Variants in ABR observed in about 807,000 individuals in gnomAD.
ABR encodes the protein active breakpoint cluster region-related protein.
ABR carries 35 observed loss-of-function variants against 107.2 expected under a neutral mutation model. That is an observed-to-expected ratio of 0.33 (90% confidence interval 0.25 to 0.43). ABR has a LOEUF of 0.43. Among genes scored for constraint, ABR ranks in the 20% least tolerant of loss-of-function variants. The pLI, the probability that ABR is intolerant of heterozygous loss-of-function variation, is 1.00. For synonymous variants in ABR, 498 were observed against 462.0 expected, an observed-to-expected ratio of 1.08 and a Z score of -1.00; for missense variants, 815 against 1,115.2, an observed-to-expected ratio of 0.73 and a Z score of 3.83.
intron 16 of ABR, among the ~76,000 whole-genome samples, chr17:1,015,725 T>C (rs1280651133): frequency 1.3e-5 from 2 of 152,196 alleles, no homozygotes; most frequent in Non-Finnish European, 2.9e-5. Context: ...CCCAAAGTGC[T>C]GGGATTACAG....
intron 2 of ABR, chr17:1,109,249 C>A: frequency 1.3e-6 from 1 of 796,250 alleles, no homozygotes; most frequent in Non-Finnish European, 1.7e-6. Flanking sequence ...GCCGCCGCCG[C>A]CGCCTCGCGC....
At chr17:1,034,141 T>TGG (rs2073004563) in intron 16 of ABR, among the ~76,000 whole-genome samples, 1 of 151,750 alleles carries the variant, frequency 6.6e-6, no homozygotes, top group Non-Finnish European at 1.5e-5. Context: ...CGGCTAATTT[T>TGG]TGTATTTTTC....
chr17:1,207,187 G>C (rs1266585745), intron 1 of ABR, among the ~76,000 whole-genome samples: 1 of 152,040 alleles, frequency 6.6e-6, no homozygotes, highest in Non-Finnish European at 1.5e-5. Flanking sequence ...AGGAGTTCAA[G>C]GGTGCCAGTG....
At chr17:1,136,995 C>G (rs972802738) in intron 1 of ABR, among the ~76,000 whole-genome samples, 2 of 87,868 alleles carry the variant, frequency 2.3e-5, no homozygotes, top group Admixed American at 3.2e-4. Context: ...CCTCACTACA[C>G]TAAATCATTT....
rs1038204812 is a variant in ABR, at chr17:1,078,394, G to A, written c.700+936C>T. ...CTCTGGCTCGCGCTGGCACCCTCTC[G>A]GCTGGCAACGCCGCCGTCCGGACCA... On this transcript the variant is annotated intron_variant, in intron 6 of 22. Transcript: ENST00000302538. The surrounding 1 kb of genome is among the most constrained non-coding windows in gnomAD (Gnocchi z 7.5). Among the ~76,000 whole-genome samples the A allele has an allele frequency of 6.6e-6, 1 of 152,082 alleles. No individual in the cohort carries two copies. Among genetic ancestry groups the A allele is most frequent in the African/African-American group, 2.4e-5 (1 of 41,404 alleles).
Position 1,081,077 on chromosome 17 carries a change from A to T in ABR, c.640-1687T>A, listed in dbSNP as rs3786068. On this transcript the variant is annotated intron_variant, in intron 5 of 22. Transcript: ENST00000302538. ...TTCTGCCTAGGCACAGAGAACAGGC[A>T]ATCAGCCCAGGCCAAGAGAAGACCC... 3.5e-4 allele frequency among the ~76,000 whole-genome samples: 54 copies of T among 152,234 alleles called. No homozygotes were observed. The East Asian group carries it at 6.6e-3, about 19-fold the overall frequency.
chr17:1,164,563 C>T (rs2041429807), intron 1 of ABR, among the ~76,000 whole-genome samples: 1 of 152,192 alleles, frequency 6.6e-6, no homozygotes, highest in Non-Finnish European at 1.5e-5. Flanking sequence ...AACAGACAAG[C>T]TTTCGGTCTA....
At chr17:1,183,444 C>T (rs11658851), upstream of ABR, among the ~76,000 whole-genome samples, 15,176 of 152,074 alleles carry the variant, frequency 0.1, 947 homozygotes, top group African/African-American at 0.17. Flanking sequence ...GGGTTAATGA[C>T]GAGGGGCTGA....
At chr17:1,156,997 C>T (rs915007897) in intron 1 of ABR, among the ~76,000 whole-genome samples, 1 of 152,208 alleles carries the variant, frequency 6.6e-6, no homozygotes, top group Non-Finnish European at 1.5e-5. Flanking sequence ...CTCTGACGCA[C>T]AGGCAGGCTC....
At chr17:1,198,301 C>T (rs1249386260) in intron 1 of ABR, among the ~76,000 whole-genome samples, 2 of 151,566 alleles carry the variant, frequency 1.3e-5, no homozygotes, top group African/African-American at 2.4e-5. Context: ...ACACGTGGCA[C>T]GTTGCCCAAG....
At chr17:1,041,289 C>CA (rs1210080301) in intron 16 of ABR, among the ~76,000 whole-genome samples, 5 of 152,180 alleles carry the variant, frequency 3.3e-5, no homozygotes, top group African/African-American at 1.2e-4. Context: ...CAGGGCCTGC[C>CA]ATTCAGAGGA....
chr17:1,057,544 A>AT (rs1354944782), intron 12 of ABR, among the ~76,000 whole-genome samples: 4 of 151,508 alleles, frequency 2.6e-5, no homozygotes, highest in African/African-American at 9.7e-5. Context: ...CACCTGGCTA[A>AT]TTTTTGTGTT....
At chr17:1,180,032 T>G (rs2042074612), upstream of ABR, among the ~76,000 whole-genome samples, 7 of 38,284 alleles carry the variant, frequency 1.8e-4, no homozygotes, top group South Asian at 7.8e-4. Context: ...GGGCGGGGCT[T>G]TGGTGCGGGG....
rs1362641385 is a variant in ABR, at chr17:1,179,494, A to G, written c.61+173T>C. Among the ~76,000 whole-genome samples, 1 of 115,784 alleles carries G rather than the reference A, an allele frequency of 8.6e-6. No homozygotes were observed. Among genetic ancestry groups the G allele is most frequent in the Non-Finnish European group, 1.8e-5 (1 of 54,210 alleles). The allele number at this position is 115,784 out of a possible 152,430, so 76.0% of individuals were successfully genotyped here. A position where few individuals can be genotyped will look rare whatever the true frequency, so the allele number is the denominator to read the frequency against. On this transcript the variant is annotated intron_variant, in intron 1 of 22. Coordinates refer to ENST00000302538, the MANE Select transcript of ABR (RefSeq NM_021962.5). The surrounding 1 kb of genome is among the most constrained non-coding windows in gnomAD (Gnocchi z 4.9). Reference sequence around the variant, plus strand: ...GGTCCCGACCCCGATCCCGATTCCCAACCCGACCCCGATCCGGACCCCGAT... The same window carrying G: ...GGTCCCGACCCCGATCCCGATTCCCGACCCGACCCCGATCCGGACCCCGAT...
chr17:1,127,995 C>T (rs2039670859), intron 1 of ABR, among the ~76,000 whole-genome samples: 1 of 152,226 alleles, frequency 6.6e-6, no homozygotes, highest in Admixed American at 6.5e-5. Context: ...CTCCCTTTCC[C>T]TCTGAATCTC....
rs578123334 is a variant in ABR, at chr17:1,201,396, G to A, written c.838+27397C>T. 1.8e-3 allele frequency among the ~76,000 whole-genome samples: 276 copies of A among 152,142 alleles called. 1 individual carries two copies. The highest frequency in any genetic ancestry group is 5.0e-3 in the South Asian group (24 of 4,800). On this transcript the variant is annotated intron_variant, in intron 1 of 22. Transcript: ENST00000574139. ...CGAGATCGTGAAAAGAAGACACCCC[G>A]CACAGCGCCTGTTCCCTCGTTAGCA... is the stretch of plus-strand genomic sequence containing the variant.
intron 2 of ABR, among the ~76,000 whole-genome samples, chr17:1,103,917 A>AGAGCCAT: frequency 6.6e-6 from 1 of 152,304 alleles, no homozygotes; most frequent in Non-Finnish European, 1.5e-5. Context: ...TTCCCAGTTT[A>AGAGCCAT]GAGCCATGAG....
intron 16 of ABR, chr17:1,031,534 G>A: frequency 1.4e-5 from 2 of 147,454 alleles, no homozygotes; most frequent in Non-Finnish European, 2.6e-5. Flanking sequence ...AGCCCCCGCA[G>A]CCCCCCGAGC....
chr17:1,050,069 A>G lies in ABR; in HGVS notation c.1772T>C (p.Met591Thr), dbSNP rs1376620495. 1 of 1,614,090 alleles carries G rather than the reference A, an allele frequency of 6.2e-7. No homozygotes were observed. Among genetic ancestry groups the G allele is most frequent in the Admixed American group, 1.7e-5 (1 of 60,020 alleles). Residue 591 changes from methionine to threonine, a missense_variant, in exon 16 of 23, where the codon ATG (methionine) becomes ACG (threonine). Met to Thr is a moderately conservative substitution (Grantham distance 81, BLOSUM62 -1). Coordinates refer to ENST00000302538, the MANE Select transcript of ABR (RefSeq NM_021962.5). The surrounding 1 kb of genome is among the most constrained non-coding windows in gnomAD (Gnocchi z 4.6). ...KDNNEIVDKIMGKGQIQLDPQ... is the reference protein window; with the variant it reads ...KDNNEIVDKITGKGQIQLDPQ... ...CCTCACCTGGATCTGTCCTTTGCCC[A>G]TGATCTTGTCCACGATCTCATTGTT...
Sources: allele counts gnomAD v4.1 joint callset (sites outside exome capture counted in the v4.1 genomes callset), GRCh38; gene constraint gnomAD v4.1.1; non-coding constraint Gnocchi (gnomAD v3.1); transcripts MANE v1.5; gene names NCBI Gene and HGNC (gene_info 2026-07-23, HGNC 2026-07-21).